The following NT5C3B variants were observed in gnomAD, a reference collection of about 807,000 sequenced individuals.
NT5C3B encodes the protein 7-methylguanosine phosphate-specific 5'-nucleotidase.
A neutral mutation model predicts 32.5 loss-of-function variants in NT5C3B; 28 were observed. That is an observed-to-expected ratio of 0.86 (90% CI 0.64 to 1.18). The LOEUF (loss-of-function observed/expected upper bound fraction) is 1.18, where lower values mean the gene tolerates loss of function less well. Among genes scored for constraint, NT5C3B ranks in the 50% most tolerant of loss-of-function variants. NT5C3B has a pLI of 0.00. For synonymous variants in NT5C3B, 138 were observed against 118.0 expected, an observed-to-expected ratio of 1.17 and a Z score of -1.10; for missense variants, 317 against 322.0, an observed-to-expected ratio of 0.98 and a Z score of 0.12.
intron 8 of NT5C3B, among the ~76,000 whole-genome samples, chr17:41,825,981 T>C (rs190208964): frequency 8.8e-4 from 134 of 152,164 alleles, no homozygotes; most frequent in African/African-American, 2.9e-3. Flanking sequence ...CCAGGCAACA[T>C]GGCAAAAGCC....
Position 41,825,465 on chromosome 17 carries a change from ACT to A in NT5C3B, c.*56_*57del, listed in dbSNP as rs1243100871. 13 of 831,268 alleles carry A rather than the reference ACT, an allele frequency of 1.6e-5. No individual in the cohort carries two copies. Among genetic ancestry groups the A allele is most frequent in the Non-Finnish European group, 2.7e-5 (13 of 481,228 alleles). 51.5% of individuals were successfully genotyped at this position (831,268 alleles called of 1,614,324 possible). ...CTGCTCTGTGTTCACGGGGGAGCAGACTCTGGGGAGGCGCCCCTCCTCACCAC... is the reference window on the plus strand; with the variant it reads ...CTGCTCTGTGTTCACGGGGGAGCAGACTGGGGAGGCGCCCCTCCTCACCAC... On this transcript the variant is annotated 3_prime_UTR_variant, in exon 9 of 9. Coordinates refer to ENST00000435506, the MANE Select transcript of NT5C3B (RefSeq NM_052935.5).
intron 7 of NT5C3B, among the ~76,000 whole-genome samples, chr17:41,827,925 G>A (rs1023444244): frequency 3.3e-5 from 5 of 152,164 alleles, no homozygotes; most frequent in African/African-American, 7.2e-5. Context: ...CCTAAATATC[G>A]ACGACAGGGC....
At chr17:41,835,412 GAC>G (rs2048131566) in intron 2 of NT5C3B, 140 bp from the exon 3 acceptor site, 1 of 707,822 alleles carries the variant, frequency 1.4e-6, no homozygotes, top group Admixed American at 2.2e-5. Flanking sequence ...GTTACCGAGT[GAC>G]ACAGAGGGAT....
rs1555617985 is a variant in NT5C3B, at chr17:41,825,500, A to G, written c.*23T>C. ...GGCGCCCCTCCTCACCACGGCCTGC[A>G]GGCCGGGCTGGAGCCTGCGCCTTCA... On this transcript the variant is annotated 3_prime_UTR_variant, in exon 9 of 9. Coordinates refer to ENST00000435506, the MANE Select transcript of NT5C3B (RefSeq NM_052935.5). 6.9e-6 allele frequency: 6 copies of G among 868,142 alleles called. No homozygotes were observed. The highest frequency in any genetic ancestry group is 4.6e-4 in the Middle Eastern group (2 of 4,342). 53.8% of individuals were successfully genotyped at this position (868,142 alleles called of 1,614,324 possible).
intron 7 of NT5C3B, 38 bp downstream of exon 7, chr17:41,828,752 C>T (rs782428501): frequency 6.3e-7 from 1 of 1,590,552 alleles, no homozygotes; most frequent in South Asian, 1.1e-5. Context: ...TGGTCCCCAC[C>T]CCTCGTCCTT....
chr17:41,828,754 C>T, intron 7 of NT5C3B, 36 bp downstream of exon 7: 1 of 1,594,626 alleles, frequency 6.3e-7, no homozygotes, highest in Non-Finnish European at 8.6e-7. Flanking sequence ...GTCCCCACCC[C>T]TCGTCCTTTC....
At position 41,830,681 on chromosome 17, in the gene NT5C3B, G is replaced by C. The variant is rs1555618887; in HGVS notation, c.404+120C>G. On this transcript the variant is annotated intron_variant, in intron 6 of 8. Coordinates refer to ENST00000435506, the MANE Select transcript of NT5C3B (RefSeq NM_052935.5). The stretch of plus-strand genomic sequence containing the variant: ...CTGTATCACATCAGTTGTTCATAGT[G>C]CCATGTCCCTTCCGGTCCTTTAAGC... The C allele has an allele frequency of 4.2e-6, 3 of 720,846 alleles. No homozygotes were observed. The Admixed American group carries it at 6.4e-5, about 15-fold the overall frequency. 44.7% of individuals were successfully genotyped at this position (720,846 alleles called of 1,614,324 possible).
intron 8 of NT5C3B, 40 bp downstream of exon 8, chr17:41,827,386 A>C (rs2144088445): frequency 2.4e-6 from 2 of 846,852 alleles, no homozygotes; most frequent in East Asian, 2.4e-5. Context: ...TTCAAAGAGA[A>C]GAAAGACATG....
intron 8 of NT5C3B, among the ~76,000 whole-genome samples, chr17:41,826,310 AC>A (rs782146946): frequency 3.9e-4 from 59 of 152,028 alleles, no homozygotes; most frequent in Non-Finnish European, 6.2e-4. Flanking sequence ...TGCAGCTTCA[AC>A]CTCCTGGACT....
At chr17:41,828,667 G>T in intron 7 of NT5C3B, 123 bp downstream of exon 7, 1 of 904,876 alleles carries the variant, frequency 1.1e-6, no homozygotes, top group Non-Finnish European at 1.7e-6. Context: ...CTGCCTGAGG[G>T]TGAAGAAGCT....
chr17:41,835,837 C>T (rs373979536), intron 2 of NT5C3B, 22 bp downstream of exon 2: 11 of 1,587,426 alleles, frequency 6.9e-6, no homozygotes, highest in Admixed American at 1.8e-5. Context: ...GCCCGGCCGG[C>T]CCCCGCACGC....
intron 4 of NT5C3B, among the ~76,000 whole-genome samples, chr17:41,834,633 A>G (rs2048112957): frequency 6.6e-6 from 1 of 152,118 alleles, no homozygotes; most frequent in Admixed American, 6.6e-5. Flanking sequence ...TTGTAGTTCC[A>G]GCTACTCAGT....
At chr17:41,830,364 C>G (rs1446859643) in intron 6 of NT5C3B, among the ~76,000 whole-genome samples, 1 of 152,128 alleles carries the variant, frequency 6.6e-6, no homozygotes, top group Non-Finnish European at 1.5e-5. Context: ...AAAAATTAGC[C>G]GGGTGTGGTG....
chr17:41,826,180 A>C (rs60588087), intron 8 of NT5C3B, among the ~76,000 whole-genome samples: 114,864 of 150,134 alleles, frequency 0.77, 44,320 homozygotes, highest in Admixed American at 0.85. Flanking sequence ...AAAAAAAAAA[A>C]CAGATGTTGC....
intron 4 of NT5C3B, 133 bp downstream of exon 4, chr17:41,834,937 C>T (rs1597925642): frequency 2.4e-6 from 2 of 844,636 alleles, no homozygotes; most frequent in East Asian, 2.5e-5. Context: ...AAACTAGACC[C>T]TCCTTAGCAA....
At chr17:41,831,403 C>A (rs1442818405) in intron 5 of NT5C3B, among the ~76,000 whole-genome samples, 2 of 151,978 alleles carry the variant, frequency 1.3e-5, no homozygotes, top group South Asian at 4.2e-4. Flanking sequence ...CTGAAGTCGG[C>A]ACTCTTCTGA....
chr17:41,831,542 A>T (rs2144099624), intron 5 of NT5C3B, among the ~76,000 whole-genome samples: 2 of 152,130 alleles, frequency 1.3e-5, no homozygotes, highest in South Asian at 4.2e-4. Flanking sequence ...GCCTAATGGG[A>T]GGTGTCATGG....
At chr17:41,828,730 T>C in intron 7 of NT5C3B, 60 bp downstream of exon 7, 1 of 1,488,938 alleles carries the variant, frequency 6.7e-7, no homozygotes, top group Non-Finnish European at 9.3e-7. Context: ...CAGAGTTAAC[T>C]GCCCTGGCTG....
chr17:41,828,561 T>A lies in NT5C3B; in HGVS notation c.567+229A>T, dbSNP rs62065924. On this transcript the variant is annotated intron_variant, in intron 7 of 8. Coordinates refer to ENST00000435506, the MANE Select transcript of NT5C3B (RefSeq NM_052935.5). ...CATGTTGGCCAGGCTGGTCTCGAAC[T>A]CCTGACCTCAAGTGATCCGCCCGCC... 10,558 of 377,054 alleles carry A rather than the reference T, an allele frequency of 0.028. 216 individuals carry two copies. Among genetic ancestry groups the A allele is most frequent in the Non-Finnish European group, 0.036 (7,506 of 206,748 alleles). 23.4% of individuals were successfully genotyped at this position (377,054 alleles called of 1,614,324 possible).
Sources: allele counts gnomAD v4.1 joint callset (sites outside exome capture counted in the v4.1 genomes callset), GRCh38; gene constraint gnomAD v4.1.1; transcripts MANE v1.5; gene names NCBI Gene and HGNC (gene_info 2026-07-23, HGNC 2026-07-21).